The following RBFOX1 variants were observed in gnomAD, a reference collection of about 807,000 sequenced individuals.
The protein encoded by RBFOX1 is RNA binding protein fox-1 homolog 1.
A neutral mutation model predicts 57.7 loss-of-function variants in RBFOX1; 8 were observed. That is an observed-to-expected ratio of 0.14 (90% CI 0.08 to 0.25). RBFOX1 has a LOEUF of 0.25. Ranked by LOEUF, RBFOX1 falls within the 10% of genes least tolerant of loss-of-function variation. The probability of loss-of-function intolerance (pLI) is 1.00; values close to 1 mark genes in which losing one functional copy is unlikely to be tolerated. For synonymous variants in RBFOX1, 326 were observed against 222.4 expected (o/e 1.47, Z -4.15); for missense variants, 611 against 548.5 (o/e 1.11, Z -1.14).
At chr16:7,705,180 G>C (rs1278430923) in intron 14 of RBFOX1, among the ~76,000 whole-genome samples, 1 of 152,034 alleles carries the variant, frequency 6.6e-6, no homozygotes, top group African/African-American at 2.4e-5. Context: ...ACTAAGCAGA[G>C]AATGGATTTG....
chr16:6,371,346 A>G (rs527543829), intron 2 of RBFOX1, among the ~76,000 whole-genome samples: 3 of 152,240 alleles, frequency 2.0e-5, no homozygotes, highest in South Asian at 4.1e-4. Context: ...GTGGGTTGGC[A>G]TTCTATTTCC....
intron 2 of RBFOX1, among the ~76,000 whole-genome samples, chr16:6,583,991 C>A (rs1024801296): frequency 1.2e-4 from 16 of 135,204 alleles, no homozygotes; most frequent in South Asian, 5.0e-4. Flanking sequence ...ATAACAACGA[C>A]AACAACATTT....
At chr16:7,433,794 ACAGCTAGC>A (rs996979120) in intron 4 of RBFOX1, among the ~76,000 whole-genome samples, 1 of 152,060 alleles carries the variant, frequency 6.6e-6, no homozygotes, top group Non-Finnish European at 1.5e-5. Flanking sequence ...AGCCAGCCAG[ACAGCTAGC>A]CAGCCAGCCT....
At chr16:7,288,188 A>C (rs992066770) in intron 4 of RBFOX1, among the ~76,000 whole-genome samples, 2 of 152,176 alleles carry the variant, frequency 1.3e-5, no homozygotes, top group Non-Finnish European at 2.9e-5. Context: ...CACCTACCTC[A>C]ACCATAGTTT....
intron 3 of RBFOX1, among the ~76,000 whole-genome samples, chr16:6,870,151 G>C (rs1299400356): frequency 1.3e-5 from 2 of 152,134 alleles, no homozygotes; most frequent in Non-Finnish European, 2.9e-5. Flanking sequence ...AGTTTTCACA[G>C]GATGGTGATG....
intron 6 of RBFOX1, among the ~76,000 whole-genome samples, chr16:7,583,844 C>G (rs946763477): frequency 1.3e-5 from 2 of 152,000 alleles, no homozygotes; most frequent in African/African-American, 4.8e-5. Context: ...AAAACCACAC[C>G]AAAACAAAAT....
intron 1 of RBFOX1, among the ~76,000 whole-genome samples, chr16:6,103,022 G>T (rs2096333273): frequency 6.6e-6 from 1 of 152,192 alleles, no homozygotes; most frequent in Non-Finnish European, 1.5e-5. Context: ...CAACCACAGT[G>T]TCTTCCCCTC....
chr16:6,424,816 G>A (rs1014405562), intron 2 of RBFOX1, among the ~76,000 whole-genome samples: 2 of 152,090 alleles, frequency 1.3e-5, no homozygotes, highest in African/African-American at 2.4e-5. Flanking sequence ...CTTAGGTTAA[G>A]GTTCAATGGG....
rs554689945 is a variant in RBFOX1 at position 5,277,751 on chromosome 16, G to A, written c.219+37646G>A. On this transcript the variant is annotated intron_variant, in intron 1 of 2. Coordinates refer to the RBFOX1 transcript ENST00000585867. ...CTCATATAAGTGAGAACATGCAATA[G>A]TTTTCTTTCTGTGCATGGCCTAGTT... 2.0e-5 allele frequency among the ~76,000 whole-genome samples: 3 copies of A among 152,278 alleles called. No homozygotes were observed. In the South Asian group the frequency reaches 6.2e-4, roughly 32 times the overall value.
intron 3 of RBFOX1, among the ~76,000 whole-genome samples, chr16:5,761,602 A>G (rs777392630): frequency 3.6e-4 from 54 of 152,064 alleles, no homozygotes; most frequent in African/African-American, 1.2e-3. Context: ...AAACCATCAG[A>G]TCTCGTGAGA....
chr16:6,189,700 T>A (rs1267954496), intron 1 of RBFOX1, among the ~76,000 whole-genome samples: 2 of 152,214 alleles, frequency 1.3e-5, no homozygotes, highest in African/African-American at 2.4e-5. Flanking sequence ...CCAGTTGTGG[T>A]TGAGGTTAGA....
At chr16:7,702,290 C>G (rs1248717051) in intron 14 of RBFOX1, among the ~76,000 whole-genome samples, 2 of 152,078 alleles carry the variant, frequency 1.3e-5, no homozygotes, top group African/African-American at 2.4e-5. Flanking sequence ...TCTGTGAAGT[C>G]CCATATTCTG....
chr16:6,291,610 C>T (rs948509133), intron 1 of RBFOX1, among the ~76,000 whole-genome samples: 1 of 152,144 alleles, frequency 6.6e-6, no homozygotes, highest in African/African-American at 2.4e-5. Context: ...ACCTCTTGCC[C>T]GCCTGAGGCA....
intron 4 of RBFOX1, among the ~76,000 whole-genome samples, chr16:5,932,882 C>T (rs2059094388): frequency 6.6e-6 from 1 of 152,072 alleles, no homozygotes; most frequent in Non-Finnish European, 1.5e-5. Flanking sequence ...TGTGGCATTG[C>T]CAAGCCATTT....
rs145637185 is a variant in RBFOX1, at chr16:6,147,975, T to C, written c.-127+127983T>C. 2.2e-3 allele frequency among the ~76,000 whole-genome samples: 342 copies of C among 152,368 alleles called. 1 individual carries two copies. Among genetic ancestry groups the C allele is most frequent in the African/African-American group, 7.6e-3 (316 of 41,596 alleles). ...CAGCCTTCTCCTAAATTGATCTTCC[T>C]GATCCACTGTTGCCATTCTCAGACC... is the stretch of plus-strand genomic sequence containing the variant. On this transcript the variant is annotated intron_variant, in intron 1 of 15. Coordinates refer to ENST00000550418, the MANE Select transcript of RBFOX1 (RefSeq NM_018723.4).
intron 4 of RBFOX1, among the ~76,000 whole-genome samples, chr16:7,162,110 C>T (rs914281666): frequency 6.6e-6 from 1 of 152,188 alleles, no homozygotes; most frequent in Non-Finnish European, 1.5e-5. Context: ...GCCAGAGAAA[C>T]CCCTCTAAGC....
Position 5,966,943 on chromosome 16 carries a change from C to G in RBFOX1, c.351+99608C>G, listed in dbSNP as rs139095763. 5.0e-4 allele frequency among the ~76,000 whole-genome samples: 65 copies of G among 130,244 alleles called. 1 individual carries two copies. The highest frequency in any genetic ancestry group is 1.8e-3 in the African/African-American group (61 of 34,120). The allele number at this position is 130,244 out of a possible 152,430, so 85.4% of individuals were successfully genotyped here. ...TCACTGAAGATTTATTTTCTCCAGT[C>G]TAACACTGATTGAAATGACCTACTT... On this transcript the variant is annotated intron_variant, in intron 4 of 19. Transcript: ENST00000641259.
intron 1 of RBFOX1, among the ~76,000 whole-genome samples, chr16:6,195,099 G>A (rs1000194272): frequency 6.6e-6 from 1 of 152,114 alleles, no homozygotes; most frequent in Non-Finnish European, 1.5e-5. Context: ...TCACAGTTTT[G>A]CAAAATGCTG....
chr16:5,288,623 T>C (rs2063457267), intron 1 of RBFOX1, among the ~76,000 whole-genome samples: 1 of 27,786 alleles, frequency 3.6e-5, no homozygotes, highest in South Asian at 2.6e-3. Context: ...TCTTGTTTCC[T>C]TTCCTTTTCT....
Sources: gnomAD v4.1 joint callset for allele counts (sites outside exome capture counted in the v4.1 genomes callset) on GRCh38, gnomAD v4.1.1 for gene constraint, MANE v1.5 for transcripts, NCBI Gene and HGNC (gene_info 2026-07-23, HGNC 2026-07-21) for gene names.